The following RNLS variants were observed in gnomAD, a reference collection of about 807,000 sequenced individuals.
RNLS encodes the protein renalase, FAD dependent amine oxidase, also known as renalase.
In RNLS, 39 loss-of-function variants were observed where a neutral mutation model predicts 39.8. The ratio of observed to expected loss-of-function variants is 0.98; its 90% CI spans 0.76 to 1.28. The LOEUF (loss-of-function observed/expected upper bound fraction) is 1.28, where lower values mean the gene tolerates loss of function less well. Ranked by LOEUF, RNLS falls within the 50% of genes most tolerant of loss-of-function variation. RNLS has a pLI of 0.00. For synonymous variants in RNLS, 147 were observed against 150.7 expected (o/e 0.98, Z 0.18); for missense variants, 410 against 413.3 (o/e 0.99, Z 0.07).
the RNLS span, among the ~76,000 whole-genome samples, chr10:88,173,818 G>A: frequency 3.9e-5 from 6 of 152,064 alleles, no homozygotes; most frequent in Non-Finnish European, 5.9e-5. Context: ...ATGTCCATAG[G>A]TTTTGGGGGA....
intron 4 of RNLS, among the ~76,000 whole-genome samples, chr10:88,501,757 T>C (rs1220679620): frequency 6.6e-6 from 1 of 152,154 alleles, no homozygotes; most frequent in East Asian, 1.9e-4. Flanking sequence ...TGAACAATTT[T>C]CAGCACTTGC....
the RNLS span, among the ~76,000 whole-genome samples, chr10:88,239,736 G>A: frequency 6.6e-6 from 1 of 152,078 alleles, no homozygotes; most frequent in African/African-American, 2.4e-5. Flanking sequence ...ATAATAAAAT[G>A]GTAATTTGGT....
intron 6 of RNLS, among the ~76,000 whole-genome samples, chr10:88,287,036 G>C (rs1843323282): frequency 6.6e-6 from 1 of 152,088 alleles, no homozygotes; most frequent in East Asian, 1.9e-4. Context: ...CTATTCTCCT[G>C]TCTTGGCTTC....
At chr10:88,396,693 G>A (rs994452991) in intron 4 of RNLS, among the ~76,000 whole-genome samples, 1 of 117,550 alleles carries the variant, frequency 8.5e-6, no homozygotes, top group African/African-American at 3.5e-5. Context: ...GGCTTAGTTT[G>A]GCATAATGGA....
At chr10:88,314,393 T>C (rs1419109858) in intron 6 of RNLS, 73 bp downstream of exon 6, 1 of 1,482,250 alleles carries the variant, frequency 6.7e-7, no homozygotes, top group Non-Finnish European at 9.3e-7. Context: ...GTGCAAAGGA[T>C]AAAGAAGTAA....
At chr10:88,425,887 A>C (rs1854719960) in intron 4 of RNLS, among the ~76,000 whole-genome samples, 2 of 152,008 alleles carry the variant, frequency 1.3e-5, no homozygotes, top group South Asian at 4.1e-4. Context: ...GGAAAACACA[A>C]AGTGTGTTTG....
intron 6 of RNLS, among the ~76,000 whole-genome samples, chr10:88,287,495 G>A (rs933026594): frequency 1.4e-4 from 21 of 152,042 alleles, no homozygotes; most frequent in East Asian, 1.3e-3. Context: ...AGAAGAAAAC[G>A]GCTAGGATTC....
At chr10:88,176,960 G>A in the RNLS span, among the ~76,000 whole-genome samples, 2 of 152,096 alleles carry the variant, frequency 1.3e-5, no homozygotes, top group African/African-American at 4.8e-5. Flanking sequence ...TAGTCTGATG[G>A]TAATTCCCTT....
chr10:88,527,303 T>G (rs1158445388), intron 4 of RNLS, among the ~76,000 whole-genome samples: 1 of 152,110 alleles, frequency 6.6e-6, no homozygotes, highest in African/African-American at 2.4e-5. Flanking sequence ...CTGGCCTGTT[T>G]ATGAGAAAGG....
intron 5 of RNLS, among the ~76,000 whole-genome samples, chr10:88,336,526 G>T (rs1281543075): frequency 6.6e-6 from 1 of 152,260 alleles, no homozygotes; most frequent in East Asian, 1.9e-4. Context: ...AAAATAAAAT[G>T]AGAACTCCCC....
At chr10:88,442,601 C>A (rs1393067753) in intron 4 of RNLS, among the ~76,000 whole-genome samples, 1 of 152,026 alleles carries the variant, frequency 6.6e-6, no homozygotes, top group Non-Finnish European at 1.5e-5. Context: ...CCACACTTTT[C>A]TTACCTCTCT....
intron 5 of RNLS, chr10:88,343,587 A>G: frequency 1.0e-6 from 1 of 985,318 alleles, no homozygotes; most frequent in Non-Finnish European, 1.2e-6. Flanking sequence ...CTTTCTGTCC[A>G]GGGCTGGGAT....
chr10:88,497,348 G>A (rs1399094160), intron 4 of RNLS, among the ~76,000 whole-genome samples: 6 of 151,914 alleles, frequency 3.9e-5, no homozygotes, highest in African/African-American at 1.5e-4. Context: ...CTAGAAAGTA[G>A]GCTTCAGATT....
At chr10:88,447,114 G>A (rs1045613111) in intron 4 of RNLS, among the ~76,000 whole-genome samples, 16 of 152,218 alleles carry the variant, frequency 1.1e-4, no homozygotes, top group African/African-American at 3.9e-4. Flanking sequence ...CGACAGGGAT[G>A]TCCTCTCTCA....
Position 88,314,525 on chromosome 10 carries a change from T to G in RNLS, c.817A>C (p.Ile273Leu). 1 of 1,613,998 alleles carries G rather than the reference T, an allele frequency of 6.2e-7. No individual in the cohort carries two copies. Among genetic ancestry groups the G allele is most frequent in the Non-Finnish European group, 8.5e-7 (1 of 1,179,884 alleles). ...QELVFQQLEN[I>L]LPGLPQPIAT... Reference sequence around the variant, plus strand: ...ATTGGCTGAGGCAAACCCGGCAAAATGTTTTCCAGCTGCTGGAAGACTAAC... The same window carrying G: ...ATTGGCTGAGGCAAACCCGGCAAAAGGTTTTCCAGCTGCTGGAAGACTAAC... The change falls in exon 6 of 7, where the codon ATT (isoleucine) becomes CTT (leucine). Residue 273 changes from isoleucine (I) to leucine (L), a missense_variant. By Grantham distance (5) the Ile-to-Leu change is conservative. Transcript: ENST00000331772.
intron 6 of RNLS, among the ~76,000 whole-genome samples, chr10:88,310,247 G>T (rs1328411281): frequency 6.6e-6 from 1 of 152,028 alleles, no homozygotes; most frequent in Non-Finnish European, 1.5e-5. Flanking sequence ...CTTTTTGATT[G>T]CTGGATTATA....
At chr10:88,424,019 C>T (rs1289590636) in intron 4 of RNLS, among the ~76,000 whole-genome samples, 2 of 152,166 alleles carry the variant, frequency 1.3e-5, no homozygotes, top group Non-Finnish European at 2.9e-5. Context: ...CATGTAAAGT[C>T]TTGTCTCACC....
At position 88,362,559 on chromosome 10, in the gene RNLS, G is replaced by A; in HGVS notation, c.693C>T (p.Arg231=). 1 of 1,613,564 alleles carries A rather than the reference G, an allele frequency of 6.2e-7. No individual in the cohort carries two copies. The change falls in exon 5 of 7, where the codon CGC becomes CGT. Residue 231 remains arginine (R), a synonymous_variant. Coordinates refer to ENST00000331772, the MANE Select transcript of RNLS (RefSeq NM_001031709.3). The part of the protein sequence containing the change: ...IRFVSIDNKK[R]NIESSEIGPS... Reference sequence around the variant, plus strand: ...AATAATAGGGGTACTGACCTATATTGCGCTTCTTATTATCAATGGAGACGA... The same window carrying A: ...AATAATAGGGGTACTGACCTATATTACGCTTCTTATTATCAATGGAGACGA...
At chr10:88,349,627 A>G (rs899369071) in intron 5 of RNLS, among the ~76,000 whole-genome samples, 3 of 152,130 alleles carry the variant, frequency 2.0e-5, no homozygotes, top group African/African-American at 7.2e-5. Context: ...TAAAAGTGAG[A>G]AATATATGAA....
Sources: allele counts gnomAD v4.1 joint callset (sites outside exome capture counted in the v4.1 genomes callset), GRCh38; gene constraint gnomAD v4.1.1; transcripts MANE v1.5; gene names NCBI Gene and HGNC (gene_info 2026-07-23, HGNC 2026-07-21).